The following TLE1 variants were observed in gnomAD, a reference collection of about 807,000 sequenced individuals.
The protein encoded by TLE1 is transducin-like enhancer protein 1.
A neutral mutation model predicts 89.8 loss-of-function variants in TLE1; 21 were observed. The observed-to-expected ratio is 0.23, with a 90% CI of 0.17 to 0.34. The LOEUF is 0.34. TLE1 is among the 10% of genes least tolerant of loss of function. The pLI, the probability that TLE1 is intolerant of heterozygous loss-of-function variation, is 1.00. For missense variants in TLE1, 795 were observed against 1,031.2 expected (o/e 0.77, Z 3.14); for synonymous variants, 447 against 407.6 (o/e 1.10, Z -1.16).
chr9:81,587,544 A>C (rs1456829132), intron 17 of TLE1, 137 bp downstream of exon 17: 1 of 1,220,134 alleles, frequency 8.2e-7, no homozygotes. Flanking sequence ...TTGTTTTTAA[A>C]TTAGTTATCT....
At chr9:81,679,840 T>G (rs1833379106) in intron 4 of TLE1, among the ~76,000 whole-genome samples, 1 of 152,186 alleles carries the variant, frequency 6.6e-6, no homozygotes, top group South Asian at 2.1e-4. Flanking sequence ...TTTCCTCCCC[T>G]TTAATCCACT....
At chr9:81,601,805 T>C (rs1303065243) in intron 14 of TLE1, among the ~76,000 whole-genome samples, 1 of 152,066 alleles carries the variant, frequency 6.6e-6, no homozygotes, top group Non-Finnish European at 1.5e-5. Context: ...AATTCGAAAA[T>C]GCGAACAAGG....
chr9:81,635,545 A>G (rs1827258484), intron 6 of TLE1, among the ~76,000 whole-genome samples: 1 of 152,212 alleles, frequency 6.6e-6, no homozygotes, highest in African/African-American at 2.4e-5. Context: ...GTCCAATATA[A>G]AACTTATTTT....
chr9:81,616,105 G>A lies in TLE1; in HGVS notation c.795C>T (p.Ala265=). The A allele has an allele frequency of 1.2e-6, 2 of 1,613,842 alleles. No individual in the cohort carries two copies. The highest frequency in any genetic ancestry group is 3.3e-5 in the Admixed American group (2 of 59,952). Reference sequence around the variant, plus strand: ...CGATTCCATTTTCCCGGGGCGAGTGGGCAGGGCTTGCTCGCGGAGAAGAAG... The same window carrying A: ...CGATTCCATTTTCCCGGGGCGAGTGAGCAGGGCTTGCTCGCGGAGAAGAAG... ...EDPSSPRASP[A]HSPRENGIDK... is the part of the protein sequence containing the mutation. Residue 265 remains alanine, a synonymous_variant, in exon 11 of 20, where the codon GCC becomes GCT. Transcript: ENST00000376499.
At chr9:81,682,547 T>C (rs1031719193) in intron 4 of TLE1, among the ~76,000 whole-genome samples, 1 of 152,124 alleles carries the variant, frequency 6.6e-6, no homozygotes, top group South Asian at 2.1e-4. Flanking sequence ...TAAAATAAGG[T>C]TTATGTGTGC....
intron 9 of TLE1, among the ~76,000 whole-genome samples, chr9:81,619,236 G>A (rs1474380568): frequency 1.3e-5 from 2 of 152,182 alleles, no homozygotes; most frequent in Non-Finnish European, 2.9e-5. Flanking sequence ...AAAGTGTTGG[G>A]CTAGGGTGGG....
intron 6 of TLE1, among the ~76,000 whole-genome samples, chr9:81,645,950 T>C (rs1309343859): frequency 1.3e-5 from 2 of 152,158 alleles, no homozygotes; most frequent in Non-Finnish European, 2.9e-5. Context: ...TTTTCTATTC[T>C]GAAGCTTTTT....
intron 5 of TLE1, among the ~76,000 whole-genome samples, 162 bp from the exon 6 acceptor site, chr9:81,652,450 G>C (rs892257563): frequency 6.6e-6 from 1 of 152,082 alleles, no homozygotes; most frequent in Non-Finnish European, 1.5e-5. Context: ...CATAGATAGG[G>C]AAAGAAAAAC....
At chr9:81,627,658 G>A (rs2132273416) in intron 8 of TLE1, among the ~76,000 whole-genome samples, 1 of 152,242 alleles carries the variant, frequency 6.6e-6, no homozygotes, top group East Asian at 1.9e-4. Context: ...TGAAATTTTA[G>A]GTGACTCATC....
chr9:81,627,309 G>A (rs978069943), intron 8 of TLE1, among the ~76,000 whole-genome samples: 1 of 140,498 alleles, frequency 7.1e-6, no homozygotes, highest in Non-Finnish European at 1.5e-5. Flanking sequence ...GGGAAAAATT[G>A]TTCTCTCACT....
Position 81,603,427 on chromosome 9 carries a change from G to C in TLE1, c.1331+6793C>G, listed in dbSNP as rs144336963. 3.6e-3 allele frequency among the ~76,000 whole-genome samples: 541 copies of C among 152,198 alleles called. 1 individual carries two copies. The highest frequency in any genetic ancestry group is 0.013 in the African/African-American group (526 of 41,504). On this transcript the variant is annotated intron_variant, in intron 14 of 19. Transcript: ENST00000376499. ...CTTGAGAAATGAGAGATCCAGGAAA[G>C]ACTTTCTGACCTCTCTCTTTCTATA... is the stretch of plus-strand genomic sequence containing the variant.
At chr9:81,663,622 CTTT>C (rs35562910) in intron 4 of TLE1, among the ~76,000 whole-genome samples, 27 of 134,678 alleles carry the variant, frequency 2.0e-4, no homozygotes, top group African/African-American at 5.3e-4. Context: ...ACAGAATAGA[CTTT>C]TTTTTTTTTT....
Position 81,688,933 on chromosome 9 carries a change from GGCTCGGCACGCCCCGTGCGACCAGCACT to G in TLE1, c.-721_-694del, listed in dbSNP as rs1350524303. The G allele has an allele frequency of 1.3e-5, 2 of 152,414 alleles. No homozygotes were observed. Among genetic ancestry groups the G allele is most frequent in the African/African-American group, 4.8e-5 (2 of 41,450 alleles). 9.4% of individuals were successfully genotyped at this position (152,414 alleles called of 1,614,324 possible). On this transcript the variant is annotated 5_prime_UTR_variant, in exon 1 of 20. Coordinates refer to ENST00000376499, the MANE Select transcript of TLE1 (RefSeq NM_005077.5). ...AAGTGCGGAGGGCGCGCCGGGAGGC[GGCTCGGCACGCCCCGTGCGACCAGCACT>G]CGGTGTTCTCCGCGGTTGCACAAAC...
intron 14 of TLE1, among the ~76,000 whole-genome samples, chr9:81,599,397 C>G (rs1830622601): frequency 1.3e-5 from 2 of 152,124 alleles, no homozygotes; most frequent in South Asian, 4.1e-4. Flanking sequence ...GACAAAGACA[C>G]CTACCCCACA....
At chr9:81,601,490 G>A (rs980935340) in intron 14 of TLE1, among the ~76,000 whole-genome samples, 6 of 151,830 alleles carry the variant, frequency 4.0e-5, no homozygotes, top group African/African-American at 1.5e-4. Context: ...AGACTCTTAA[G>A]CCAAACTATT....
At chr9:81,592,663 G>A (rs1356643799) in intron 15 of TLE1, among the ~76,000 whole-genome samples, 2 of 152,184 alleles carry the variant, frequency 1.3e-5, no homozygotes, top group Non-Finnish European at 2.9e-5. Flanking sequence ...TCTAAAGGCT[G>A]TAGGTCAATT....
intron 12 of TLE1, chr9:81,612,313 A>G: frequency 9.6e-7 from 1 of 1,041,654 alleles, no homozygotes; most frequent in Non-Finnish European, 1.2e-6. Context: ...TCAAAAGAAG[A>G]TTTTCTCGAT....
At chr9:81,682,037 G>A (rs1833697983) in intron 4 of TLE1, among the ~76,000 whole-genome samples, 1 of 151,980 alleles carries the variant, frequency 6.6e-6, no homozygotes, top group Non-Finnish European at 1.5e-5. Flanking sequence ...CTTGAGGTCA[G>A]GAGTTCGAAA....
Position 81,689,509 on chromosome 9 carries a change from A to ACCG in TLE1, c.-1272_-1270dup, listed in dbSNP as rs879453682. On this transcript the variant is annotated 5_prime_UTR_variant, in exon 1 of 20. Transcript: ENST00000376499. Reference sequence around the variant, plus strand: ...TGCTGCTTCTGCAGCCGCCGCTCCCACCGCCGCCGCCGCCCGCGCCTCTCG... The same window carrying ACCG: ...TGCTGCTTCTGCAGCCGCCGCTCCCACCGCCGCCGCCGCCGCCCGCGCCTCTCG... Among the ~76,000 whole-genome samples the ACCG allele has an allele frequency of 2.2e-3, 337 of 151,838 alleles. No individual in the cohort carries two copies. Among genetic ancestry groups the ACCG allele is most frequent in the Non-Finnish European group, 3.7e-3 (253 of 67,906 alleles).
Sources: allele counts gnomAD v4.1 joint callset (sites outside exome capture counted in the v4.1 genomes callset), GRCh38; gene constraint gnomAD v4.1.1; transcripts MANE v1.5; gene names NCBI Gene and HGNC (gene_info 2026-07-23, HGNC 2026-07-21).